ACVR1C: variants seen among roughly 807,000 people sequenced by gnomAD.
The protein encoded by ACVR1C is activin receptor type-1C.
In ACVR1C, 23 loss-of-function variants were observed where a neutral mutation model predicts 57.9. The observed-to-expected ratio is 0.40, with a 90% CI of 0.29 to 0.56. The LOEUF (loss-of-function observed/expected upper bound fraction) is 0.56, where lower values mean the gene tolerates loss of function less well. Among genes scored for constraint, ACVR1C ranks in the 20% least tolerant of loss-of-function variants. The pLI is 0.50. For synonymous variants in ACVR1C, 214 were observed against 215.3 expected, an observed-to-expected ratio of 0.99 and a Z score of 0.05; for missense variants, 480 against 607.9, an observed-to-expected ratio of 0.79 and a Z score of 2.21.
At chr2:157,594,159 T>A (rs1247233753) in intron 1 of ACVR1C, among the ~76,000 whole-genome samples, 1 of 152,126 alleles carries the variant, frequency 6.6e-6, no homozygotes, top group Admixed American at 6.5e-5. Flanking sequence ...ACTAACCATT[T>A]GGAATTTTCT....
intron 2 of ACVR1C, among the ~76,000 whole-genome samples, chr2:157,557,103 A>G (rs1688122929): frequency 6.6e-6 from 1 of 152,030 alleles, no homozygotes; most frequent in South Asian, 2.1e-4. Flanking sequence ...CTTGAGTCAT[A>G]TATGTTCTCA....
At chr2:157,550,436 A>C in intron 3 of ACVR1C, 44 bp from the exon 4 acceptor site, 1 of 1,540,464 alleles carries the variant, frequency 6.5e-7, no homozygotes, top group South Asian at 1.1e-5. Context: ...CACAAATGTC[A>C]GAAAAGAACT....
intron 2 of ACVR1C, among the ~76,000 whole-genome samples, chr2:157,578,971 A>G (rs1323441022): frequency 6.6e-6 from 1 of 152,210 alleles, no homozygotes; most frequent in Non-Finnish European, 1.5e-5. Flanking sequence ...TGAACTTAAC[A>G]TTATATTCAA....
At chr2:157,552,330 A>C (rs1182282100) in intron 3 of ACVR1C, among the ~76,000 whole-genome samples, 1 of 152,096 alleles carries the variant, frequency 6.6e-6, no homozygotes, top group Non-Finnish European at 1.5e-5. Context: ...AAGAGGTTTC[A>C]CCATGTTGGC....
chr2:157,531,181 C>T lies in ACVR1C; in HGVS notation c.*2737G>A, dbSNP rs1687342736. 6.6e-6 allele frequency: 1 copy of T among 151,932 alleles called. No individual in the cohort carries two copies. Among genetic ancestry groups the T allele is most frequent in the African/African-American group, 2.4e-5 (1 of 41,392 alleles). The allele number at this position is 151,932 out of a possible 1,614,324, so 9.4% of individuals were successfully genotyped here. On this transcript the variant is annotated 3_prime_UTR_variant, in exon 9 of 9. Transcript: ENST00000243349. Reference sequence around the variant, plus strand: ...GCATAAGTATATACAAGAAGCCTGCCTTATGCTCTAAACTTCATCATCCTA... The same window carrying T: ...GCATAAGTATATACAAGAAGCCTGCTTTATGCTCTAAACTTCATCATCCTA...
chr2:157,612,276 CAG>C (rs1235138140), intron 1 of ACVR1C, among the ~76,000 whole-genome samples: 1 of 152,172 alleles, frequency 6.6e-6, no homozygotes, highest in African/African-American at 2.4e-5. Context: ...GGCCCCAAAA[CAG>C]AGGCTACATT....
intron 8 of ACVR1C, among the ~76,000 whole-genome samples, chr2:157,534,417 C>T (rs1477749958): frequency 6.6e-6 from 1 of 152,052 alleles, no homozygotes; most frequent in Admixed American, 6.6e-5. Context: ...AAATACTAAC[C>T]TTGTAGAGAC....
rs1359893313 is a variant in ACVR1C, at chr2:157,606,794, A to G, written c.74-19377T>C. ...CTCTGTTGATTGTTTCTTTTGCTATACAGAAACTTTTTTTAGTTTAATATA... is the reference window on the plus strand; with the variant it reads ...CTCTGTTGATTGTTTCTTTTGCTATGCAGAAACTTTTTTTAGTTTAATATA... On this transcript the variant is annotated intron_variant, in intron 1 of 8. Coordinates refer to ENST00000243349, the MANE Select transcript of ACVR1C (RefSeq NM_145259.3). Among the ~76,000 whole-genome samples the G allele has an allele frequency of 2.0e-5, 3 of 151,624 alleles. No individual in the cohort carries two copies. The East Asian group carries it at 5.8e-4, about 29-fold the overall frequency.
chr2:157,573,478 T>C (rs1688572289), intron 2 of ACVR1C, among the ~76,000 whole-genome samples: 2 of 152,102 alleles, frequency 1.3e-5, no homozygotes, highest in South Asian at 4.1e-4. Context: ...TTACTACACT[T>C]ACCCTTTTAA....
intron 2 of ACVR1C, among the ~76,000 whole-genome samples, chr2:157,564,329 A>G (rs909338201): frequency 6.6e-6 from 1 of 152,218 alleles, no homozygotes; most frequent in African/African-American, 2.4e-5. Context: ...AGAAGATGAC[A>G]TTTATGCAGG....
intron 3 of ACVR1C, among the ~76,000 whole-genome samples, chr2:157,555,409 G>A (rs1688076343): frequency 6.6e-6 from 1 of 152,048 alleles, no homozygotes; most frequent in African/African-American, 2.4e-5. Context: ...GTGAGCCACC[G>A]CGCCCGGCCG....
chr2:157,552,733 C>T (rs762313564), intron 3 of ACVR1C, among the ~76,000 whole-genome samples: 2 of 152,082 alleles, frequency 1.3e-5, no homozygotes, highest in Admixed American at 1.3e-4. Context: ...ATAAAGTACT[C>T]GAGACAGCAA....
intron 3 of ACVR1C, among the ~76,000 whole-genome samples, chr2:157,550,956 T>A (rs1687899248): frequency 6.6e-6 from 1 of 151,804 alleles, no homozygotes; most frequent in Admixed American, 6.6e-5. Flanking sequence ...CAAAAAAAAA[T>A]TTTCAAAGAA....
At chr2:157,596,017 T>C (rs1461929466) in intron 1 of ACVR1C, among the ~76,000 whole-genome samples, 2 of 152,222 alleles carry the variant, frequency 1.3e-5, no homozygotes, top group Non-Finnish European at 2.9e-5. Flanking sequence ...AGGGCCCTTC[T>C]CCTGTTTTAT....
At chr2:157,615,946 G>A (rs1446152179) in intron 1 of ACVR1C, among the ~76,000 whole-genome samples, 1 of 152,142 alleles carries the variant, frequency 6.6e-6, no homozygotes, top group Non-Finnish European at 1.5e-5. Flanking sequence ...ATCTTTGAAT[G>A]TCATCAGTTA....
Position 157,561,659 on chromosome 2 carries a change from T to G in ACVR1C, c.305-5327A>C, listed in dbSNP as rs571667407. On this transcript the variant is annotated intron_variant, in intron 2 of 8. Coordinates refer to ENST00000243349, the MANE Select transcript of ACVR1C (RefSeq NM_145259.3). The stretch of plus-strand genomic sequence containing the variant: ...TAGTTCAATAGGAATAATTGCTTTT[T>G]GTAAAAAACAGAGTGACATGTTAAG... Among the ~76,000 whole-genome samples the G allele has an allele frequency of 1.5e-3, 233 of 152,352 alleles. 1 individual carries two copies. The highest frequency in any genetic ancestry group is 2.2e-3 in the Non-Finnish European group (147 of 68,034).
chr2:157,551,050 C>G (rs956582039), intron 3 of ACVR1C, among the ~76,000 whole-genome samples: 1 of 152,090 alleles, frequency 6.6e-6, no homozygotes, highest in African/African-American at 2.4e-5. Context: ...ATACTTAATG[C>G]AAAATGTAGA....
chr2:157,559,728 G>A (rs1468557034), intron 2 of ACVR1C, among the ~76,000 whole-genome samples: 1 of 152,168 alleles, frequency 6.6e-6, no homozygotes, highest in African/African-American at 2.4e-5. Context: ...TTAGATTGAA[G>A]AGGATGGGGA....
At chr2:157,598,687 T>G (rs1682200427) in intron 1 of ACVR1C, among the ~76,000 whole-genome samples, 1 of 151,774 alleles carries the variant, frequency 6.6e-6, no homozygotes, top group Admixed American at 6.6e-5. Flanking sequence ...TTACAGGCGC[T>G]CACCACCCAC....
Sources: allele counts gnomAD v4.1 joint callset (sites outside exome capture counted in the v4.1 genomes callset), GRCh38; gene constraint gnomAD v4.1.1; transcripts MANE v1.5; gene names NCBI Gene and HGNC (gene_info 2026-07-23, HGNC 2026-07-21).